The following MYH14 variants were observed in gnomAD, a reference collection of about 807,000 sequenced individuals.
MYH14 encodes myosin-14.
MYH14 carries 123 observed loss-of-function variants against 255.5 expected under a neutral mutation model. The ratio of observed to expected loss-of-function variants is 0.48; its 90% confidence interval spans 0.42 to 0.56. The LOEUF (loss-of-function observed/expected upper bound fraction) is 0.56, where lower values mean the gene tolerates loss of function less well. Ranked by LOEUF, MYH14 falls within the 20% of genes least tolerant of loss-of-function variation. The pLI is 0.00. For missense variants in MYH14, 2,423 were observed against 2,802.3 expected (o/e 0.86, Z 3.06); for synonymous variants, 1,095 against 1,161.2 (o/e 0.94, Z 1.16).
At chr19:50,255,812 C>T (rs1464539412) in intron 17 of MYH14, among the ~76,000 whole-genome samples, 2 of 150,882 alleles carry the variant, frequency 1.3e-5, no homozygotes, top group Admixed American at 1.3e-4. Flanking sequence ...GTAGGGGAGA[C>T]GGTTGAACCT....
intron 39 of MYH14, among the ~76,000 whole-genome samples, chr19:50,297,328 C>G (rs538944283): frequency 6.6e-6 from 1 of 152,074 alleles, no homozygotes; most frequent in South Asian, 2.1e-4. Context: ...GGTCTGAAAT[C>G]AAGGTGTGGG....
At chr19:50,205,622 G>C (rs142995316) in intron 1 of MYH14, 2,347 of 152,476 alleles carry the variant, frequency 0.015, 25 homozygotes, top group Middle Eastern at 0.034. Context: ...GAATGGGTAC[G>C]GGGCTCTCAG....
At chr19:50,301,191 A>G (rs1008577018) in intron 39 of MYH14, among the ~76,000 whole-genome samples, 4 of 152,212 alleles carry the variant, frequency 2.6e-5, no homozygotes, top group Admixed American at 6.5e-5. Flanking sequence ...GCTCCTGCAT[A>G]TAACACCTGA....
At position 50,266,738 on chromosome 19, in the gene MYH14, C is replaced by A; in HGVS notation, c.2695-139C>A. 2 of 1,066,444 alleles carry A rather than the reference C, an allele frequency of 1.9e-6. No individual in the cohort carries two copies. Among genetic ancestry groups the A allele is most frequent in the Non-Finnish European group, 2.8e-6 (2 of 727,130 alleles). 66.1% of individuals were successfully genotyped at this position (1,066,444 alleles called of 1,614,324 possible). A position where few individuals can be genotyped will look rare whatever the true frequency, so the allele number is the denominator to read the frequency against. ...CCTGTCAGTGTTCTAGGCCTGTGAC[C>A]AGGGACTGTTGCCAAGGCGGGGACA... On this transcript the variant is annotated intron_variant, in intron 22 of 42. Coordinates refer to ENST00000642316, the MANE Select transcript of MYH14 (RefSeq NM_001145809.2). The surrounding 1 kb of genome is among the most constrained non-coding windows in gnomAD (Gnocchi z 4.1).
At chr19:50,289,880 C>T (rs185296828) in intron 35 of MYH14, among the ~76,000 whole-genome samples, 100 of 152,220 alleles carry the variant, frequency 6.6e-4, no homozygotes, top group African/African-American at 2.2e-3. Context: ...GCCAGTCTCT[C>T]GTGCCAGCCA....
At chr19:50,298,001 G>A (rs966112311) in intron 39 of MYH14, among the ~76,000 whole-genome samples, 1 of 152,098 alleles carries the variant, frequency 6.6e-6, no homozygotes, top group Non-Finnish European at 1.5e-5. Context: ...GAGGGGCATG[G>A]AGCTTCCGTG....
intron 39 of MYH14, among the ~76,000 whole-genome samples, chr19:50,300,917 A>G (rs1461361341): frequency 2.0e-5 from 3 of 151,946 alleles, no homozygotes; most frequent in Non-Finnish European, 4.4e-5. Context: ...CCTGGGCAAC[A>G]GAACAAAACT....
At chr19:50,295,218 G>A (rs530844871) in intron 39 of MYH14, among the ~76,000 whole-genome samples, 1 of 151,916 alleles carries the variant, frequency 6.6e-6, no homozygotes, top group South Asian at 2.1e-4. Context: ...CCAGCTACTC[G>A]GGAGGCTGAG....
At chr19:50,307,209 G>GA in intron 41 of MYH14, 52 bp downstream of exon 41, 1 of 1,143,400 alleles carries the variant, frequency 8.7e-7, no homozygotes. Context: ...CACTGGCTGA[G>GA]AAATTGCACA....
chr19:50,282,199 G>C (rs938074688), intron 33 of MYH14, among the ~76,000 whole-genome samples: 5 of 152,184 alleles, frequency 3.3e-5, no homozygotes, highest in African/African-American at 1.2e-4. Context: ...CAGGCAAGTT[G>C]CTTTTTCCAT....
intron 19 of MYH14, among the ~76,000 whole-genome samples, chr19:50,259,475 A>C (rs1164981773): frequency 6.6e-6 from 1 of 152,240 alleles, no homozygotes; most frequent in Non-Finnish European, 1.5e-5. Context: ...GAGAAAGCAC[A>C]CAGAGTCTAT....
chr19:50,287,144 G>A (rs1007688794), intron 34 of MYH14, among the ~76,000 whole-genome samples: 16 of 152,232 alleles, frequency 1.1e-4, no homozygotes, highest in Non-Finnish European at 2.4e-4. Context: ...GAGGGGGACT[G>A]TTCAGCAAAC....
In MYH14 at chr19:50,309,680, G is replaced by T. The variant is rs1049766624; in HGVS notation, c.6001G>T (p.Val2001Phe). ...CTTCACCACCCGCACGGTGCGCCAGGTCTTCCGACTAGAGGAGGGCGTGGC... is the reference window on the plus strand; with the variant it reads ...CTTCACCACCCGCACGGTGCGCCAGTTCTTCCGACTAGAGGAGGGCGTGGC... ...LTFTTRTVRQ[V>F]FRLEEGVASD... Residue 2001 changes from valine (V) to phenylalanine (F), a missense_variant, in exon 43 of 43, where the codon GTC becomes TTC. Transcript: ENST00000642316. 1.2e-6 allele frequency: 2 copies of T among 1,610,150 alleles called. No individual in the cohort carries two copies. The highest frequency in any genetic ancestry group is 1.7e-6 in the Non-Finnish European group (2 of 1,178,596).
chr19:50,291,013 A>G lies in MYH14; in HGVS notation c.5092A>G (p.Lys1698Glu). The G allele has an allele frequency of 6.2e-7, 1 of 1,612,926 alleles. No individual in the cohort carries two copies. The highest frequency in any genetic ancestry group is 8.5e-7 in the Non-Finnish European group (1 of 1,179,660). ...TCAGATGGCCTCTGCCGGCCAGGGC[A>G]AGGAGGAGGCGGTGAAGCAGCTTCG... ...KAQMASAGQG[K>E]EEAVKQLRKM... Residue 1698 changes from lysine (K) to glutamate (E), a missense_variant, in exon 36 of 43, where the codon AAG (lysine) becomes GAG (glutamate). Around this residue, in one of 3 missense-constraint regions of MYH14, gnomAD observed 1,513 missense variants for 1,674.8 expected, o/e 0.90. Coordinates refer to ENST00000642316, the MANE Select transcript of MYH14 (RefSeq NM_001145809.2).
Position 50,272,511 on chromosome 19 carries a change from A to C in MYH14, c.3296-49A>C, listed in dbSNP as rs553989863. The C allele has an allele frequency of 1.7e-4, 268 of 1,545,950 alleles. 1 individual carries two copies. In the South Asian group the frequency reaches 2.9e-3, roughly 17 times the overall value. On this transcript the variant is annotated intron_variant, in intron 26 of 42. Coordinates refer to ENST00000642316, the MANE Select transcript of MYH14 (RefSeq NM_001145809.2). ...CCTGTGGTCTCTGTGAGAGCGGCTG[A>C]GTGTGCAGGCCTGGAGTCCTCATGC...
rs377216284 is a variant in MYH14 at position 50,260,649 on chromosome 19, C to T, written c.2358C>T (p.Tyr786=). 2.6e-5 allele frequency: 42 copies of T among 1,612,274 alleles called. No individual in the cohort carries two copies. Among genetic ancestry groups the T allele is most frequent in the Admixed American group, 1.5e-4 (9 of 59,920 alleles). Residue 786 remains tyrosine (Y), a synonymous_variant, in exon 20 of 43, where the codon TAC becomes TAT. Transcript: ENST00000642316. ...CACCCCTCCCTGCTCATTGCAGATA[C>T]GAGATCCTGACACCCAATGCCATCC... ...RILFQEFRQR[Y]EILTPNAIPK...
At position 50,210,492 on chromosome 19, in the gene MYH14, G is replaced by T. The variant is rs776970790; in HGVS notation, c.127G>T (p.Gly43Cys). The T allele has an allele frequency of 5.8e-6, 9 of 1,558,828 alleles. No individual in the cohort carries two copies. Among genetic ancestry groups the T allele is most frequent in the Middle Eastern group, 1.7e-4 (1 of 5,944 alleles). Residue 43 changes from glycine (G) to cysteine (C), a missense_variant, in exon 2 of 43, where the codon GGC (glycine) becomes TGC (cysteine). Coordinates refer to ENST00000642316, the MANE Select transcript of MYH14 (RefSeq NM_001145809.2). ...CAGCGCGGGTGGCGGGCCTGGCTCG[G>T]GCACCTCCCCGCAGGTGGAGTGGAC... ...GPSAGGGPGSGTSPQVEWTAR... is the reference protein window; with the variant it reads ...GPSAGGGPGSCTSPQVEWTAR...
At chr19:50,224,038 G>GCCCCCCC in intron 5 of MYH14, 116 bp from the exon 6 acceptor site, 1 of 355,472 alleles carries the variant, frequency 2.8e-6, no homozygotes, top group Non-Finnish European at 5.0e-6. Context: ...GGTTTCCCCA[G>GCCCCCCC]TCCCCCTTCC....
Position 50,302,375 on chromosome 19 carries a change from A to G in MYH14, c.5678+506A>G, listed in dbSNP as rs147438238. Among the ~76,000 whole-genome samples, 1,389 of 151,208 alleles carry G rather than the reference A, an allele frequency of 9.2e-3. 26 individuals are homozygous for G. The highest frequency in any genetic ancestry group is 0.031 in the African/African-American group (1,268 of 41,102). ...GGCGGGCAGATCATTTGAAGGCAGG[A>G]GTTTGAGACCAGCCTAGCCAACATG... On this transcript the variant is annotated intron_variant, in intron 40 of 42. Transcript: ENST00000642316.
Sources: allele counts gnomAD v4.1 joint callset (sites outside exome capture counted in the v4.1 genomes callset), GRCh38; gene constraint gnomAD v4.1.1; regional missense constraint gnomAD v4.1.1; non-coding constraint Gnocchi (gnomAD v3.1); transcripts MANE v1.5; gene names NCBI Gene and HGNC (gene_info 2026-07-23, HGNC 2026-07-21).